The following TANGO6 variants were observed in gnomAD, a reference collection of about 807,000 sequenced individuals.
The protein encoded by TANGO6 is transport and golgi organization 6 homolog.
Under a neutral mutation model 114.2 loss-of-function variants are expected in TANGO6, and 90 were observed. The observed-to-expected ratio is 0.79, with a 90% CI of 0.66 to 0.94. TANGO6 has a LOEUF of 0.94. Among genes scored for constraint, TANGO6 ranks in the 40% least tolerant of loss-of-function variants. The probability of loss-of-function intolerance (pLI) is 0.00; values close to 1 mark genes in which losing one functional copy is unlikely to be tolerated. For missense variants in TANGO6, 1,274 were observed against 1,315.3 expected, an observed-to-expected ratio of 0.97 and a Z score of 0.49; for synonymous variants, 477 against 509.8, an observed-to-expected ratio of 0.94 and a Z score of 0.87.
At chr16:68,989,562 A>G (rs896282596) in intron 15 of TANGO6, among the ~76,000 whole-genome samples, 3 of 152,200 alleles carry the variant, frequency 2.0e-5, no homozygotes, top group Non-Finnish European at 4.4e-5. Context: ...TAGCTGCTTT[A>G]AAATCCTTAT....
intron 15 of TANGO6, among the ~76,000 whole-genome samples, chr16:69,002,518 G>T (rs1964053494): frequency 6.6e-6 from 1 of 152,110 alleles, no homozygotes; most frequent in South Asian, 2.1e-4. Context: ...TTATAAGACA[G>T]TTTTCCCTGC....
intron 9 of TANGO6, among the ~76,000 whole-genome samples, chr16:68,904,993 C>T (rs545741987): frequency 1.2e-4 from 18 of 151,694 alleles, no homozygotes; most frequent in South Asian, 2.1e-4. Context: ...GAGGCCGAGA[C>T]GGGCGGATCA....
chr16:68,979,762 T>C (rs1236146707), intron 15 of TANGO6, among the ~76,000 whole-genome samples: 2 of 152,136 alleles, frequency 1.3e-5, no homozygotes, highest in African/African-American at 2.4e-5. Context: ...AGATTCCGTG[T>C]ATGTGGAGGG....
At chr16:68,946,285 G>A (rs988265362) in intron 14 of TANGO6, among the ~76,000 whole-genome samples, 5 of 151,192 alleles carry the variant, frequency 3.3e-5, no homozygotes, top group African/African-American at 9.7e-5. Flanking sequence ...TCCGCCTCCC[G>A]GGTTCACGCC....
intron 17 of TANGO6, among the ~76,000 whole-genome samples, chr16:69,061,833 G>C (rs575295581): frequency 6.8e-4 from 103 of 152,092 alleles, no homozygotes; most frequent in African/African-American, 2.5e-3. Context: ...TCCTGGCTAA[G>C]ACGGTGAAAC....
Position 69,040,374 on chromosome 16 carries a change from C to T in TANGO6, c.3061C>T (p.His1021Tyr). 6.2e-7 allele frequency: 1 copy of T among 1,609,406 alleles called. No homozygotes were observed. Among genetic ancestry groups the T allele is most frequent in the Non-Finnish European group, 8.5e-7 (1 of 1,178,130 alleles). ...GEVQVRRAAI[H>Y]VVVLLLRGLS... ...AGTTCAAGTACGCAGAGCTGCCATA[C>T]ATGTGGTTGTGCTGCTGCTTCGGGG... The change falls in exon 17 of 18, where the codon CAT becomes TAT. Residue 1021 changes from histidine to tyrosine, a missense_variant. His to Tyr is a moderately conservative substitution (Grantham distance 83). Transcript: ENST00000261778.
chr16:68,995,868 G>T, intron 15 of TANGO6, among the ~76,000 whole-genome samples: 1 of 152,202 alleles, frequency 6.6e-6, no homozygotes, highest in South Asian at 2.1e-4. Context: ...TAAAAGGGAT[G>T]AGCCCCTTCT....
At position 68,908,279 on chromosome 16, in the gene TANGO6, A is replaced by G. The variant is rs780597296; in HGVS notation, c.1800+704A>G. Among the ~76,000 whole-genome samples, 36 of 152,186 alleles carry G rather than the reference A, an allele frequency of 2.4e-4. 2 individuals are homozygous for G. Among genetic ancestry groups the G allele is most frequent in the Non-Finnish European group, 1.2e-4 (8 of 68,040 alleles). On this transcript the variant is annotated intron_variant, in intron 10 of 17. Transcript: ENST00000261778. ...CAGGGCTAACATTTCGAGAACTTGA[A>G]ATAGGGGACACCACTTTTTGATGCT...
Position 68,919,081 on chromosome 16 carries a change from G to A in TANGO6, c.1993-4G>A, listed in dbSNP as rs370982575. On this transcript the variant is annotated splice_polypyrimidine_tract_variant and splice_region_variant and intron_variant, in intron 11 of 17. Coordinates refer to ENST00000261778, the MANE Select transcript of TANGO6 (RefSeq NM_024562.2). ...ATTGATTCTCAATTCCCTTTTTTGG[G>A]TAGGTGGTGGACTTTGTAGCAGCAA... 1.8e-5 allele frequency: 29 copies of A among 1,600,942 alleles called. No homozygotes were observed. In the African/African-American group the frequency reaches 3.8e-4, roughly 21 times the overall value.
At chr16:68,974,205 G>C in intron 15 of TANGO6, 37 bp downstream of exon 15, 1 of 1,613,258 alleles carries the variant, frequency 6.2e-7, no homozygotes, top group Non-Finnish European at 8.5e-7. Flanking sequence ...GAAAAGGGTG[G>C]AGGATCAGTG....
intron 11 of TANGO6, among the ~76,000 whole-genome samples, 198 bp from the exon 12 acceptor site, chr16:68,918,887 A>C (rs1361236883): frequency 1.3e-5 from 2 of 152,178 alleles, no homozygotes; most frequent in Admixed American, 1.3e-4. Context: ...CCTTTGTAAT[A>C]ACCTTTATAA....
intron 7 of TANGO6, among the ~76,000 whole-genome samples, chr16:68,882,758 C>T (rs895736843): frequency 6.6e-6 from 1 of 152,088 alleles, no homozygotes; most frequent in African/African-American, 2.4e-5. Context: ...ATGGCTCATG[C>T]CTGTAATCCC....
At chr16:68,967,520 C>T (rs966990197) in intron 14 of TANGO6, among the ~76,000 whole-genome samples, 11 of 152,184 alleles carry the variant, frequency 7.2e-5, no homozygotes, top group Admixed American at 3.9e-4. Flanking sequence ...AAAGAAATTT[C>T]GTAACTATTA....
intron 3 of TANGO6, among the ~76,000 whole-genome samples, chr16:68,866,740 C>T (rs141478123): frequency 0.013 from 1,935 of 152,088 alleles, 39 homozygotes; most frequent in African/African-American, 0.042. Flanking sequence ...AGTTCGAGAC[C>T]GGCCTGGCTA....
rs569268776 is a variant in TANGO6, at chr16:69,005,855, C to G, written c.2843-16973C>G. 1.8e-4 allele frequency among the ~76,000 whole-genome samples: 28 copies of G among 151,470 alleles called. No individual in the cohort carries two copies. In the East Asian group the frequency reaches 4.5e-3, roughly 24 times the overall value. On this transcript the variant is annotated intron_variant, in intron 15 of 17. Transcript: ENST00000261778. ...ACCCAGCCCCTATTCAAGGTGGAGT[C>G]ACTCTGGTTTGAATGCCTTTGACAT...
chr16:69,063,658 A>C (rs972357620), intron 17 of TANGO6, among the ~76,000 whole-genome samples: 21 of 149,062 alleles, frequency 1.4e-4, no homozygotes, highest in East Asian at 3.9e-4. Flanking sequence ...AAAAAAAAAA[A>C]AAAAAAAAAA....
At chr16:68,998,784 T>C (rs1443421413) in intron 15 of TANGO6, among the ~76,000 whole-genome samples, 1 of 152,040 alleles carries the variant, frequency 6.6e-6, no homozygotes, top group Non-Finnish European at 1.5e-5. Context: ...CTTATTAAAC[T>C]TGGCCTGATC....
intron 14 of TANGO6, among the ~76,000 whole-genome samples, chr16:68,953,307 T>G (rs1295252764): frequency 6.6e-6 from 1 of 151,976 alleles, no homozygotes; most frequent in Non-Finnish European, 1.5e-5. Context: ...GATCTCGAAT[T>G]CCTGACCTCA....
chr16:68,877,284 A>G (rs887838976), intron 5 of TANGO6, among the ~76,000 whole-genome samples: 8 of 152,020 alleles, frequency 5.3e-5, no homozygotes, highest in African/African-American at 9.7e-5. Flanking sequence ...CCTGATCAAC[A>G]TAGTGAAACC....
Sources: allele counts gnomAD v4.1 joint callset (sites outside exome capture counted in the v4.1 genomes callset), GRCh38; gene constraint gnomAD v4.1.1; transcripts MANE v1.5; gene names NCBI Gene and HGNC (gene_info 2026-07-23, HGNC 2026-07-21).